Variants in RCC1L observed in about 807,000 individuals in gnomAD.
RCC1L encodes RCC1-like G exchanging factor-like protein.
A neutral mutation model predicts 58.6 loss-of-function variants in RCC1L; 46 were observed. The ratio of observed to expected loss-of-function variants is 0.79; its 90% CI spans 0.62 to 1.00. RCC1L has a LOEUF of 1.00. Ranked by LOEUF, RCC1L falls within the 50% of genes least tolerant of loss-of-function variation. The pLI, the probability that RCC1L is intolerant of heterozygous loss-of-function variation, is 0.00. For missense variants in RCC1L, 636 were observed against 623.6 expected (o/e 1.02, Z -0.21); for synonymous variants, 281 against 262.9 (o/e 1.07, Z -0.67).
At chr7:75,027,620 G>C (rs907600735) in exon 11 of RCC1L, 4 of 207,104 alleles carry the variant, frequency 1.9e-5, no homozygotes, top group Admixed American at 1.1e-4. Context: ...GTGTCGGGGC[G>C]CGCTGGGGCC....
At position 75,056,191 on chromosome 7, in the gene RCC1L, T is replaced by G. The variant is rs1806076279; in HGVS notation, c.1058-117A>C. 46 of 1,283,376 alleles carry G rather than the reference T, an allele frequency of 3.6e-5. No homozygotes were observed. The South Asian group carries it at 4.0e-4, about 11-fold the overall frequency. The allele number at this position is 1,283,376 out of a possible 1,614,324, so 79.5% of individuals were successfully genotyped here. ...ATCCACACGGTTTTTTTTTGTTTTT[T>G]TTTTGTTTTGTTTTTTTCCTCCTTG... is the stretch of plus-strand genomic sequence containing the variant. On this transcript the variant is annotated intron_variant, in intron 8 of 10. Coordinates refer to ENST00000610322, the MANE Select transcript of RCC1L (RefSeq NM_030798.5).
At position 75,064,599 on chromosome 7, in the gene RCC1L, G is replaced by C. The variant is rs940331605; in HGVS notation, c.633C>G (p.Val211=). 32 of 1,613,670 alleles carry C rather than the reference G, an allele frequency of 2.0e-5. No homozygotes were observed. The highest frequency in any genetic ancestry group is 2.6e-5 in the Non-Finnish European group (31 of 1,179,832). The change falls in exon 4 of 11, where the codon GTC becomes GTG. Residue 211 remains valine, a synonymous_variant. Coordinates refer to ENST00000610322, the MANE Select transcript of RCC1L (RefSeq NM_030798.5). ...GAACTCACCTGTAAATTTCATTTTC[G>C]ACCACCTTTCTTCCACATTGCCCAT... is the stretch of plus-strand genomic sequence containing the variant. The part of the protein sequence containing the change: ...NSYGQCGRKV[V]ENEIYSESHR...
chr7:75,035,621 T>C (rs1805417422), intron 10 of RCC1L, among the ~76,000 whole-genome samples: 1 of 152,118 alleles, frequency 6.6e-6, no homozygotes, highest in Non-Finnish European at 1.5e-5. Context: ...ATGAATGTTT[T>C]GACATTATTT....
At position 75,073,527 on chromosome 7, in the gene RCC1L, C is replaced by T; in HGVS notation, c.211G>A (p.Ala71Thr). 5 of 1,469,034 alleles carry T rather than the reference C, an allele frequency of 3.4e-6. No individual in the cohort carries two copies. Among genetic ancestry groups the T allele is most frequent in the Non-Finnish European group, 4.5e-6 (5 of 1,118,724 alleles). 91.0% of individuals were successfully genotyped at this position (1,469,034 alleles called of 1,614,324 possible). A position where few individuals can be genotyped will look rare whatever the true frequency, so the allele number is the denominator to read the frequency against. Residue 71 changes from alanine to threonine, a missense_variant, in exon 1 of 11, where the codon GCG becomes ACG. Ala to Thr is a moderately conservative substitution (Grantham distance 58). Coordinates refer to ENST00000610322, the MANE Select transcript of RCC1L (RefSeq NM_030798.5). ...ACCACAAAGGAAGGCACGCCCAGCG[C>T]CCCCGAGAAGCTGAAGCCCCACACG... is the stretch of plus-strand genomic sequence containing the variant. ...VFVWGFSFSGALGVPSFVVPS... is the reference protein window; with the variant it reads ...VFVWGFSFSGTLGVPSFVVPS...
chr7:75,067,991 G>C (rs1399055058), intron 2 of RCC1L, among the ~76,000 whole-genome samples: 3 of 152,086 alleles, frequency 2.0e-5, no homozygotes, highest in African/African-American at 7.2e-5. Flanking sequence ...GCACACTTCT[G>C]TAAGTCTAAA....
Position 75,066,730 on chromosome 7 carries a change from C to G in RCC1L, c.517G>C (p.Glu173Gln). ...PVSLPLDRPQETRVLQVSCGR... is the reference protein window; with the variant it reads ...PVSLPLDRPQQTRVLQVSCGR... ...CAGGAGACCTGCAGCACCCGTGTCT[C>G]CTGAGGTCTGTCCAGAGGCAGGGAG... The change falls in exon 3 of 11, where the codon GAG becomes CAG. Residue 173 changes from glutamate (E) to glutamine (Q), a missense_variant. By Grantham distance (29) the Glu-to-Gln change is conservative (BLOSUM62 2). Transcript: ENST00000610322. 6.2e-7 allele frequency: 1 copy of G among 1,613,704 alleles called. No individual in the cohort carries two copies.
At chr7:75,058,243 C>T in intron 7 of RCC1L, 1 of 329,320 alleles carries the variant, frequency 3.0e-6, no homozygotes, top group South Asian at 2.5e-5. Context: ...AGCCTATTTG[C>T]TCTTTTTTTT....
At chr7:75,049,677 A>G (rs587654334) in intron 10 of RCC1L, among the ~76,000 whole-genome samples, 10 of 152,046 alleles carry the variant, frequency 6.6e-5, no homozygotes. Flanking sequence ...TCAAAAAAAA[A>G]AAAAAATCCT....
rs1554446590 is a variant in RCC1L at position 75,073,723 on chromosome 7, C to T, written c.15G>A (p.Ala5=). ...GCCCCAGCCGAGCCCCAGCCACCAA[C>T]GCCACCAGCGCCATCCTCCGTTCCG... The part of the protein sequence containing the change: MALV[A]LVAGARLGRR... Residue 5 remains alanine (A), a synonymous_variant, in exon 1 of 11, where the codon GCG becomes GCA. Coordinates refer to ENST00000610322, the MANE Select transcript of RCC1L (RefSeq NM_030798.5). The T allele has an allele frequency of 1.3e-5, 19 of 1,508,050 alleles. No individual in the cohort carries two copies. The East Asian group carries it at 4.9e-4, about 39-fold the overall frequency. 93.4% of individuals were successfully genotyped at this position (1,508,050 alleles called of 1,614,324 possible). A position where few individuals can be genotyped will look rare whatever the true frequency, so the allele number is the denominator to read the frequency against.
In RCC1L at chr7:75,064,594, T is replaced by C; in HGVS notation, c.638A>G (p.Asn213Ser). The change falls in exon 4 of 11, where the codon AAT becomes AGT. Residue 213 changes from asparagine to serine, a missense_variant. Asn to Ser is a conservative substitution (Grantham distance 46, BLOSUM62 1). Coordinates refer to ENST00000610322, the MANE Select transcript of RCC1L (RefSeq NM_030798.5). ...YGQCGRKVVE[N>S]EIYSESHRVH... ...TTTAGGAACTCACCTGTAAATTTCA[T>C]TTTCGACCACCTTTCTTCCACATTG... 3 of 1,613,842 alleles carry C rather than the reference T, an allele frequency of 1.9e-6. No individual in the cohort carries two copies. Among genetic ancestry groups the C allele is most frequent in the Non-Finnish European group, 2.5e-6 (3 of 1,179,832 alleles).
chr7:75,070,649 T>G lies in RCC1L; in HGVS notation c.445A>C (p.Lys149Gln). 1 of 1,613,980 alleles carries G rather than the reference T, an allele frequency of 6.2e-7. No individual in the cohort carries two copies. Among genetic ancestry groups the G allele is most frequent in the South Asian group, 1.1e-5 (1 of 91,078 alleles). Residue 149 changes from lysine to glutamine, a missense_variant, in exon 2 of 11, where the codon AAA becomes CAA. Transcript: ENST00000610322. ...DSQLGFHRSR[K>Q]DKTRGYEYVL... is the part of the protein sequence containing the mutation. ...AGGTAGGGATGCTCACTTTTATCTT[T>G]CCGGCTCCTGTGAAATCCAAGCTGA...
rs1354583356 is a variant in RCC1L at position 75,042,511 on chromosome 7, C to T, written c.*521G>A. On this transcript the variant is annotated 3_prime_UTR_variant, in exon 11 of 11. Transcript: ENST00000610322. ...TTCTAGTGTCCCCCCAGCGAGCTTGCGGTGTGGCAGGCGGCCAGGAAGGGC... is the reference window on the plus strand; with the variant it reads ...TTCTAGTGTCCCCCCAGCGAGCTTGTGGTGTGGCAGGCGGCCAGGAAGGGC... The T allele has an allele frequency of 5.0e-6, 5 of 991,454 alleles. No homozygotes were observed. The highest frequency in any genetic ancestry group is 1.1e-4 in the East Asian group (1 of 8,890). The allele number at this position is 991,454 out of a possible 1,614,324, so 61.4% of individuals were successfully genotyped here.
chr7:75,036,969 C>T (rs1477780513), intron 10 of RCC1L, among the ~76,000 whole-genome samples: 2 of 152,096 alleles, frequency 1.3e-5, no homozygotes, highest in Non-Finnish European at 2.9e-5. Context: ...GAACCAGCTA[C>T]CACCGTTAGC....
chr7:75,041,598 C>T (rs1357512900), downstream of RCC1L, among the ~76,000 whole-genome samples: 2 of 152,014 alleles, frequency 1.3e-5, no homozygotes, highest in Non-Finnish European at 1.5e-5. Flanking sequence ...GTGGCTCACA[C>T]CTGTAATCCC....
chr7:75,054,658 T>C (rs1806020457), intron 9 of RCC1L, among the ~76,000 whole-genome samples: 1 of 152,212 alleles, frequency 6.6e-6, no homozygotes, highest in Non-Finnish European at 1.5e-5. Context: ...GGTGTGTGCC[T>C]GTAATCCCAG....
Position 75,066,753 on chromosome 7 carries a change from G to C in RCC1L, c.494C>G (p.Ser165Cys). The change falls in exon 3 of 11, where the codon TCC becomes TGC. Residue 165 changes from serine to cysteine, a missense_variant. Ser to Cys is a moderately radical substitution (Grantham distance 112). Coordinates refer to ENST00000610322, the MANE Select transcript of RCC1L (RefSeq NM_030798.5). Reference protein sequence around the residue: ...YEYVLEPSPVSLPLDRPQETR... With the variant: ...YEYVLEPSPVCLPLDRPQETR... ...CTCCTGAGGTCTGTCCAGAGGCAGG[G>C]AGACGGGTGAGGGCTCCAACACATA... 6.2e-7 allele frequency: 1 copy of C among 1,613,230 alleles called. No individual in the cohort carries two copies. The highest frequency in any genetic ancestry group is 2.2e-5 in the East Asian group (1 of 44,844).
At chr7:75,033,071 CAAAA>C (rs71098024) in intron 10 of RCC1L, among the ~76,000 whole-genome samples, 2 of 70,138 alleles carry the variant, frequency 2.9e-5, no homozygotes, top group Non-Finnish European at 5.1e-5. Flanking sequence ...GACTTTGTCT[CAAAA>C]AAAAAAAAAA....
intron 2 of RCC1L, among the ~76,000 whole-genome samples, chr7:75,068,565 A>AGTAC (rs1203301132): frequency 6.6e-6 from 1 of 151,880 alleles, no homozygotes; most frequent in Non-Finnish European, 1.5e-5. Context: ...GGGCGCCTGT[A>AGTAC]GTACCAGCTA....
chr7:75,059,489 T>C (rs1806206066), intron 6 of RCC1L, among the ~76,000 whole-genome samples: 1 of 152,064 alleles, frequency 6.6e-6, no homozygotes, highest in Non-Finnish European at 1.5e-5. Context: ...AAGGCTGGCC[T>C]CAAAACCCCT....
Sources: allele counts gnomAD v4.1 joint callset (sites outside exome capture counted in the v4.1 genomes callset), GRCh38; gene constraint gnomAD v4.1.1; transcripts MANE v1.5; gene names NCBI Gene and HGNC (gene_info 2026-07-23, HGNC 2026-07-21).